Variants in TVP23C observed in about 807,000 individuals in gnomAD.
The protein encoded by TVP23C is trans-golgi network vesicle protein 23 homolog C.
A neutral mutation model predicts 28.7 loss-of-function variants in TVP23C; 19 were observed. The observed-to-expected ratio is 0.66, with a 90% CI of 0.46 to 0.97. The LOEUF is 0.97. TVP23C is among the 50% of genes least tolerant of loss of function. The pLI is 0.00. For missense variants in TVP23C, 186 were observed against 241.3 expected (o/e 0.77, Z 1.52); for synonymous variants, 68 against 81.7 (o/e 0.83, Z 0.90).
Position 15,539,303 on chromosome 17 carries a change from T to C in TVP23C, c.*1109A>G. 1.0e-6 allele frequency: 1 copy of C among 985,454 alleles called. No homozygotes were observed. Among genetic ancestry groups the C allele is most frequent in the Non-Finnish European group, 1.2e-6 (1 of 829,966 alleles). The allele number at this position is 985,454 out of a possible 1,614,324, so 61.0% of individuals were successfully genotyped here. ...ACTGTACTAACCAAATGCAAGGTAT[T>C]ACTCATATAAAGACCTAGTCACGGC... On this transcript the variant is annotated 3_prime_UTR_variant, in exon 6 of 6. Transcript: ENST00000518321.
chr17:15,561,630 GAATA>G lies in TVP23C; in HGVS notation c.12+1803_12+1806del, dbSNP rs374284414. ...TGAATGAATGAATGAATGAATGAAT[GAATA>G]AATAAATAAATAAATAAATAAATAA... On this transcript the variant is annotated intron_variant, in intron 1 of 5. Coordinates refer to ENST00000518321, the MANE Select transcript of TVP23C (RefSeq NM_001135036.2). Among the ~76,000 whole-genome samples, 346 of 131,666 alleles carry G rather than the reference GAATA, an allele frequency of 2.6e-3. 1 individual carries two copies. Among genetic ancestry groups the G allele is most frequent in the Middle Eastern group, 0.011 (3 of 274 alleles). 86.4% of individuals were successfully genotyped at this position (131,666 alleles called of 152,430 possible).
chr17:15,563,056 G>A (rs1329704525), intron 1 of TVP23C: 6 of 303,170 alleles, frequency 2.0e-5, no homozygotes, highest in African/African-American at 1.3e-4. Flanking sequence ...CGAGGCTCTG[G>A]CGGTGTCGCC....
intron 1 of TVP23C, chr17:15,562,442 C>T (rs1984441549): frequency 6.6e-6 from 1 of 152,114 alleles, no homozygotes; most frequent in African/African-American, 2.4e-5. Flanking sequence ...TGGTCTCGAT[C>T]TCTTGACCTC....
rs774510557 is a variant in TVP23C at position 15,547,073 on chromosome 17, A to G, written c.316T>C (p.Phe106Leu). The G allele has an allele frequency of 1.5e-5, 24 of 1,596,438 alleles. No individual in the cohort carries two copies. In the East Asian group the frequency reaches 5.4e-4, roughly 36 times the overall value. ...IDEDGKSHWV[F>L]ESRKESSQEN... The stretch of plus-strand genomic sequence containing the variant: ...AGGCACTTTACCTTTCTAGATTCAA[A>G]CACCCAATGGCTCTTTCCATCTTCA... Residue 106 changes from phenylalanine (F) to leucine (L), a missense_variant, in exon 4 of 6, where the codon TTT becomes CTT. Around this residue, in one of 3 missense-constraint regions of TVP23C, gnomAD observed 20 missense variants for 51.0 expected, o/e 0.39. Coordinates refer to ENST00000518321, the MANE Select transcript of TVP23C (RefSeq NM_001135036.2).
At chr17:15,526,729 T>G (rs1982743672) in intron 5 of TVP23C, among the ~76,000 whole-genome samples, 1 of 152,144 alleles carries the variant, frequency 6.6e-6, no homozygotes, top group Non-Finnish European at 1.5e-5. Flanking sequence ...GAGGACCAAG[T>G]GCAAGCTACA....
At chr17:15,554,909 AATTT>A (rs1387481981) in intron 2 of TVP23C, among the ~76,000 whole-genome samples, 2 of 152,238 alleles carry the variant, frequency 1.3e-5, no homozygotes, top group Non-Finnish European at 2.9e-5. Flanking sequence ...TCGATAAGTG[AATTT>A]ATTTAGAGAG....
intron 5 of TVP23C, among the ~76,000 whole-genome samples, chr17:15,523,324 CTTTT>C (rs960821570): frequency 7.9e-6 from 1 of 125,824 alleles, no homozygotes; most frequent in Non-Finnish European, 1.7e-5. Flanking sequence ...TTTTTTTTTT[CTTTT>C]TGAGACAGAG....
In TVP23C at chr17:15,553,654, A is replaced by G. The variant is rs769479654; in HGVS notation, c.240+31T>C. 39 of 1,568,068 alleles carry G rather than the reference A, an allele frequency of 2.5e-5. 1 individual carries two copies. Among genetic ancestry groups the G allele is most frequent in the Admixed American group, 1.8e-4 (9 of 48,672 alleles). On this transcript the variant is annotated intron_variant, in intron 3 of 5. Coordinates refer to ENST00000518321, the MANE Select transcript of TVP23C (RefSeq NM_001135036.2). ...TTTATACATCATTTTCATATTAAAT[A>G]TAATTTTAAAATAAAAACAATCAAA... is the stretch of plus-strand genomic sequence containing the variant.
At position 15,528,209 on chromosome 17, in the gene TVP23C, CTT is replaced by C. The variant is rs920724851; in HGVS notation, c.462+17574_462+17575del. ...AAAGGTGAGACTTGATTTGAGATCT[CTT>C]GTTTAAAAAAAATAAGTGTTTACTG... On this transcript the variant is annotated intron_variant, in intron 5 of 5. Coordinates refer to the TVP23C transcript ENST00000225576. Among the ~76,000 whole-genome samples, 31 of 152,126 alleles carry C rather than the reference CTT, an allele frequency of 2.0e-4. 2 individuals carry two copies. The South Asian group carries it at 2.5e-3, about 12-fold the overall frequency.
At position 15,537,421 on chromosome 17, in the gene TVP23C, T is replaced by A; in HGVS notation, c.*2991A>T. 2 of 985,346 alleles carry A rather than the reference T, an allele frequency of 2.0e-6. No homozygotes were observed. Among genetic ancestry groups the A allele is most frequent in the Non-Finnish European group, 2.4e-6 (2 of 829,854 alleles). 61.0% of individuals were successfully genotyped at this position (985,346 alleles called of 1,614,324 possible). ...TCAAGGTCCACTGAAGAACTTTCAA[T>A]CTAGCTATCCTTTCTGTAAAATAAA... On this transcript the variant is annotated 3_prime_UTR_variant, in exon 6 of 6. Transcript: ENST00000518321.
chr17:15,539,404 G>A lies in TVP23C; in HGVS notation c.*1008C>T, dbSNP rs1003053315. The stretch of plus-strand genomic sequence containing the variant: ...AGGCGGATCACGAGGTCAGGAGATC[G>A]AGACCATCCTGGCTAACACGGTGAA... On this transcript the variant is annotated 3_prime_UTR_variant, in exon 6 of 6. Coordinates refer to ENST00000518321, the MANE Select transcript of TVP23C (RefSeq NM_001135036.2). 7.9e-6 allele frequency: 5 copies of A among 629,866 alleles called. No homozygotes were observed. Among genetic ancestry groups the A allele is most frequent in the South Asian group, 7.0e-5 (1 of 14,266 alleles). 39.0% of individuals were successfully genotyped at this position (629,866 alleles called of 1,614,324 possible).
At chr17:15,548,962 G>T (rs759522965) in intron 3 of TVP23C, among the ~76,000 whole-genome samples, 1 of 152,176 alleles carries the variant, frequency 6.6e-6, no homozygotes, top group Non-Finnish European at 1.5e-5. Flanking sequence ...ACTGTTTAGC[G>T]TAGCATATAG....
In TVP23C at chr17:15,537,956, A is replaced by T; in HGVS notation, c.*2456T>A. On this transcript the variant is annotated 3_prime_UTR_variant, in exon 6 of 6. Coordinates refer to ENST00000518321, the MANE Select transcript of TVP23C (RefSeq NM_001135036.2). ...TACTTTCTAGCCCCAACTGCTGGAA[A>T]GGAAATAAAAACTTAATATGAAAAC... is the stretch of plus-strand genomic sequence containing the variant. The T allele has an allele frequency of 6.9e-7, 1 of 1,451,286 alleles. No homozygotes were observed. The highest frequency in any genetic ancestry group is 1.5e-5 in the South Asian group (1 of 65,076). 89.9% of individuals were successfully genotyped at this position (1,451,286 alleles called of 1,614,324 possible).
At chr17:15,554,307 G>A (rs1359124435) in intron 2 of TVP23C, among the ~76,000 whole-genome samples, 3 of 144,518 alleles carry the variant, frequency 2.1e-5, no homozygotes, top group Non-Finnish European at 3.0e-5. Context: ...GCGCAATCTC[G>A]GCTCACTGCA....
chr17:15,503,369 C>T, intron 5 of TVP23C: 1 of 1,092,966 alleles, frequency 9.1e-7, no homozygotes, highest in Non-Finnish European at 1.3e-6. Context: ...CACGCCACTG[C>T]ACTCCAGCCT....
intron 4 of TVP23C, among the ~76,000 whole-genome samples, chr17:15,546,237 T>C (rs1376764919): frequency 2.0e-5 from 3 of 152,138 alleles, no homozygotes; most frequent in African/African-American, 7.2e-5. Flanking sequence ...AAATGATACC[T>C]TTCTGACCAA....
chr17:15,532,092 C>T (rs1278670405), downstream of TVP23C, among the ~76,000 whole-genome samples: 2 of 152,160 alleles, frequency 1.3e-5, no homozygotes, highest in African/African-American at 4.8e-5. Flanking sequence ...ATAAGTCTCT[C>T]ACCTTTACCT....
intron 5 of TVP23C, among the ~76,000 whole-genome samples, chr17:15,507,591 C>T (rs1981813323): frequency 6.6e-6 from 1 of 152,190 alleles, no homozygotes. Flanking sequence ...GTAATCCCAG[C>T]ACTTTGGGAG....
intron 5 of TVP23C, among the ~76,000 whole-genome samples, chr17:15,518,587 T>C (rs1198680070): frequency 2.6e-5 from 4 of 152,202 alleles, no homozygotes; most frequent in East Asian, 1.9e-4. Flanking sequence ...ATTCCTTTAG[T>C]TCTGGGATGA....
Sources: allele counts gnomAD v4.1 joint callset (sites outside exome capture counted in the v4.1 genomes callset), GRCh38; gene constraint gnomAD v4.1.1; regional missense constraint gnomAD v4.1.1; transcripts MANE v1.5; gene names NCBI Gene and HGNC (gene_info 2026-07-23, HGNC 2026-07-21).